Variants in ZBTB20 observed in about 807,000 individuals in gnomAD.
The protein encoded by ZBTB20 is zinc finger and BTB domain-containing protein 20.
A neutral mutation model predicts 56.9 loss-of-function variants in ZBTB20; 9 were observed. The ratio of observed to expected loss-of-function variants is 0.16; its 90% CI spans 0.10 to 0.28. The LOEUF (loss-of-function observed/expected upper bound fraction) is 0.28, where lower values mean the gene tolerates loss of function less well. ZBTB20 is among the 10% of genes least tolerant of loss of function. The pLI, the probability that ZBTB20 is intolerant of heterozygous loss-of-function variation, is 1.00. For synonymous variants in ZBTB20, 417 were observed against 420.7 expected (o/e 0.99, Z 0.11); for missense variants, 655 against 1,003.0 (o/e 0.65, Z 4.69).
At chr3:114,815,396 A>G (rs2072844721) in intron 4 of ZBTB20, among the ~76,000 whole-genome samples, 1 of 152,238 alleles carries the variant, frequency 6.6e-6, no homozygotes, top group African/African-American at 2.4e-5. Flanking sequence ...CAATAGTCTG[A>G]TGACACAGAG....
intron 6 of ZBTB20, among the ~76,000 whole-genome samples, chr3:114,640,575 T>C (rs774042778): frequency 5.9e-5 from 9 of 152,068 alleles, no homozygotes; most frequent in Non-Finnish European, 1.3e-4. Context: ...CCAGTTTCAG[T>C]TCCAATGGCC....
intron 1 of ZBTB20, among the ~76,000 whole-genome samples, chr3:115,081,614 C>T (rs957071045): frequency 2.0e-5 from 3 of 151,878 alleles, no homozygotes; most frequent in Non-Finnish European, 2.9e-5. Context: ...GCTCTGTAAA[C>T]AATATTTTCA....
chr3:115,023,989 CTGATCAT>C (rs2080311571), intron 2 of ZBTB20, among the ~76,000 whole-genome samples: 2 of 151,044 alleles, frequency 1.3e-5, no homozygotes, highest in Non-Finnish European at 3.0e-5. Context: ...ATTTTTGAGA[CTGATCAT>C]TTATATTTGA....
chr3:115,054,319 G>A (rs1325967043), intron 2 of ZBTB20, among the ~76,000 whole-genome samples: 1 of 152,078 alleles, frequency 6.6e-6, no homozygotes, highest in Non-Finnish European at 1.5e-5. Flanking sequence ...ATAACCAATA[G>A]TCATCCAGTT....
At chr3:114,646,968 AT>A (rs889462951) in intron 6 of ZBTB20, among the ~76,000 whole-genome samples, 2 of 150,658 alleles carry the variant, frequency 1.3e-5, no homozygotes, top group African/African-American at 2.4e-5. Context: ...TTATTTATTT[AT>A]TTTTTTTTAG....
chr3:114,929,319 C>T (rs779367274), intron 3 of ZBTB20, among the ~76,000 whole-genome samples: 3 of 152,150 alleles, frequency 2.0e-5, no homozygotes, highest in African/African-American at 7.2e-5. Context: ...GGTTGAAGGT[C>T]AATATGTTCC....
At chr3:114,512,864 G>T (rs534904625) in intron 6 of ZBTB20, among the ~76,000 whole-genome samples, 2 of 152,090 alleles carry the variant, frequency 1.3e-5, no homozygotes, top group South Asian at 4.1e-4. Flanking sequence ...TCTCCCAGAC[G>T]TAGTACTCAC....
chr3:114,534,644 T>A (rs967162211), intron 6 of ZBTB20, among the ~76,000 whole-genome samples: 1 of 152,142 alleles, frequency 6.6e-6, no homozygotes, highest in South Asian at 2.1e-4. Flanking sequence ...GTGGACCAAA[T>A]AGACATCTAC....
At chr3:114,409,066 A>AAAAGGTTGAAC (rs1207341163) in intron 7 of ZBTB20, among the ~76,000 whole-genome samples, 1 of 151,614 alleles carries the variant, frequency 6.6e-6, no homozygotes, top group African/African-American at 2.4e-5. Context: ...AAAAAGGCAG[A>AAAAGGTTGAAC]AAAGGTTGAA....
At chr3:114,407,860 C>A (rs2087486918) in intron 7 of ZBTB20, among the ~76,000 whole-genome samples, 1 of 150,962 alleles carries the variant, frequency 6.6e-6, no homozygotes, top group South Asian at 2.1e-4. Context: ...AAACTAATAA[C>A]CTTAAAACTG....
chr3:114,882,122 C>T (rs2076422545), intron 4 of ZBTB20, among the ~76,000 whole-genome samples: 2 of 151,574 alleles, frequency 1.3e-5, no homozygotes, highest in African/African-American at 4.8e-5. Flanking sequence ...TTTTTAAAAA[C>T]TCAATAGAAA....
chr3:114,411,839 CAAAAAGAAG>C (rs1462974603), intron 7 of ZBTB20, among the ~76,000 whole-genome samples: 1 of 152,102 alleles, frequency 6.6e-6, no homozygotes, highest in Non-Finnish European at 1.5e-5. Context: ...GGAAAGTTTA[CAAAAAGAAG>C]AAAAGTTTGG....
chr3:114,439,079 C>A (rs76035124), intron 7 of ZBTB20, among the ~76,000 whole-genome samples: 1 of 152,226 alleles, frequency 6.6e-6, no homozygotes, highest in Non-Finnish European at 1.5e-5. Flanking sequence ...CTGGCTTCTG[C>A]GACATTTGTC....
At chr3:114,376,790 T>G (rs2083688037) in intron 10 of ZBTB20, among the ~76,000 whole-genome samples, 1 of 152,114 alleles carries the variant, frequency 6.6e-6, no homozygotes, top group African/African-American at 2.4e-5. Flanking sequence ...GTATAAAACA[T>G]GGGAAGGTAA....
At chr3:114,742,575 T>C (rs2066688084) in intron 5 of ZBTB20, among the ~76,000 whole-genome samples, 1 of 152,158 alleles carries the variant, frequency 6.6e-6, no homozygotes, top group African/African-American at 2.4e-5. Flanking sequence ...GTGCTATTAT[T>C]TTCATTTTAC....
In ZBTB20 at chr3:114,948,298, G is replaced by A. The variant is rs762605540; in HGVS notation, c.-456+26068C>T. ...AACAACACCAACTCAGCAAACTCAC[G>A]AATTGAAGAGAAATTCTCTAGTGGA... On this transcript the variant is annotated intron_variant, in intron 3 of 11. Transcript: ENST00000675478. Among the ~76,000 whole-genome samples the A allele has an allele frequency of 7.0e-5, 10 of 143,140 alleles. 3 individuals are homozygous for A. The highest frequency in any genetic ancestry group is 2.6e-4 in the African/African-American group (9 of 34,774). 93.9% of individuals were successfully genotyped at this position (143,140 alleles called of 152,430 possible).
At chr3:115,038,026 A>T (rs1301525646) in intron 2 of ZBTB20, among the ~76,000 whole-genome samples, 1 of 152,252 alleles carries the variant, frequency 6.6e-6, no homozygotes, top group Non-Finnish European at 1.5e-5. Context: ...CTATTCAAAC[A>T]ATGAAGTTTC....
intron 4 of ZBTB20, among the ~76,000 whole-genome samples, chr3:114,869,143 T>C (rs138050156): frequency 6.6e-6 from 1 of 152,126 alleles, no homozygotes; most frequent in African/African-American, 2.4e-5. Context: ...TCAAAAGAAA[T>C]GATAGATTTA....
At chr3:115,063,635 C>A (rs1238648626) in intron 2 of ZBTB20, among the ~76,000 whole-genome samples, 1 of 146,500 alleles carries the variant, frequency 6.8e-6, no homozygotes. Flanking sequence ...GTTATCATTT[C>A]TCATTATTGT....
Sources: gnomAD v4.1 joint callset for allele counts (sites outside exome capture counted in the v4.1 genomes callset) on GRCh38, gnomAD v4.1.1 for gene constraint, MANE v1.5 for transcripts, NCBI Gene and HGNC (gene_info 2026-07-23, HGNC 2026-07-21) for gene names.